DYNC1I1: variants seen among roughly 807,000 people sequenced by gnomAD.
DYNC1I1 encodes the protein dynein cytoplasmic 1 intermediate chain 1, also known as cytoplasmic dynein 1 intermediate chain 1.
DYNC1I1 carries 43 observed loss-of-function variants against 86.6 expected under a neutral mutation model. The ratio of observed to expected loss-of-function variants is 0.50; its 90% CI spans 0.39 to 0.64. The LOEUF (loss-of-function observed/expected upper bound fraction) is 0.64, where lower values mean the gene tolerates loss of function less well. Among genes scored for constraint, DYNC1I1 ranks in the 30% least tolerant of loss-of-function variants. The probability of loss-of-function intolerance (pLI) is 0.00; values close to 1 mark genes in which losing one functional copy is unlikely to be tolerated. For synonymous variants in DYNC1I1, 262 were observed against 283.7 expected (o/e 0.92, Z 0.77); for missense variants, 604 against 788.8 (o/e 0.77, Z 2.81).
intron 4 of DYNC1I1, among the ~76,000 whole-genome samples, chr7:95,825,378 A>G (rs1303725461): frequency 6.6e-6 from 1 of 152,212 alleles, no homozygotes; most frequent in Non-Finnish European, 1.5e-5. Context: ...ATGGAGGTCA[A>G]ATAGTTGATC....
chr7:95,869,737 C>G, intron 5 of DYNC1I1, 146 bp from the exon 6 acceptor site: 4 of 781,192 alleles, frequency 5.1e-6, no homozygotes, highest in Non-Finnish European at 8.3e-6. Flanking sequence ...CAGCCCAGAG[C>G]CAGTTCTGCT....
At chr7:95,849,080 T>C (rs1300150513) in intron 5 of DYNC1I1, among the ~76,000 whole-genome samples, 1 of 152,016 alleles carries the variant, frequency 6.6e-6, no homozygotes, top group African/African-American at 2.4e-5. Context: ...CTGGTTATTG[T>C]TTTCTTGCTA....
At chr7:95,889,905 C>T (rs989526274) in intron 6 of DYNC1I1, among the ~76,000 whole-genome samples, 1 of 152,216 alleles carries the variant, frequency 6.6e-6, no homozygotes, top group Non-Finnish European at 1.5e-5. Context: ...TAGCATCTCA[C>T]ACCAATCAGA....
intron 14 of DYNC1I1, among the ~76,000 whole-genome samples, chr7:96,039,846 G>GT (rs989090331): frequency 9.0e-4 from 136 of 151,494 alleles, no homozygotes; most frequent in Non-Finnish European, 1.1e-3. Context: ...TGGGACTTGG[G>GT]TTTTTTTTTG....
intron 6 of DYNC1I1, among the ~76,000 whole-genome samples, chr7:95,930,399 C>T (rs1048934385): frequency 1.3e-5 from 2 of 152,134 alleles, no homozygotes; most frequent in Middle Eastern, 3.2e-3. Context: ...AGTCATTTGT[C>T]AATAAATGAT....
At chr7:96,025,830 T>A (rs1352974283) in intron 10 of DYNC1I1, among the ~76,000 whole-genome samples, 1 of 124,332 alleles carries the variant, frequency 8.0e-6, no homozygotes, top group East Asian at 2.8e-4. Context: ...CAACAAACAG[T>A]ACAAGCTTGC....
chr7:95,776,495 T>G (rs1223852525), intron 1 of DYNC1I1, among the ~76,000 whole-genome samples: 1 of 152,182 alleles, frequency 6.6e-6, no homozygotes, highest in Non-Finnish European at 1.5e-5. Context: ...TTCATGCATT[T>G]GTGCATAAAT....
At chr7:95,793,493 T>C (rs1481308312) in intron 1 of DYNC1I1, among the ~76,000 whole-genome samples, 3 of 151,800 alleles carry the variant, frequency 2.0e-5, no homozygotes, top group East Asian at 3.9e-4. Flanking sequence ...TTGCGGCCTA[T>C]AGGTCTAGGT....
chr7:95,965,866 A>C (rs904128801), intron 6 of DYNC1I1, among the ~76,000 whole-genome samples: 2 of 152,328 alleles, frequency 1.3e-5, no homozygotes, highest in East Asian at 1.9e-4. Flanking sequence ...AATTGGCCCT[A>C]GGCACTAGGG....
chr7:95,991,796 T>C (rs1041791746), intron 9 of DYNC1I1, among the ~76,000 whole-genome samples: 1 of 152,130 alleles, frequency 6.6e-6, no homozygotes, highest in Admixed American at 6.5e-5. Flanking sequence ...GCTCAAGGTC[T>C]CATTTCTTCT....
intron 6 of DYNC1I1, among the ~76,000 whole-genome samples, chr7:95,964,197 T>C (rs371867902): frequency 6.6e-6 from 1 of 152,152 alleles, no homozygotes; most frequent in Non-Finnish European, 1.5e-5. Flanking sequence ...GGCTGGGAAT[T>C]GGACACTAGA....
chr7:95,933,295 G>A (rs10953166), intron 6 of DYNC1I1, among the ~76,000 whole-genome samples: 11,447 of 152,144 alleles, frequency 0.075, 846 homozygotes, highest in African/African-American at 0.2. Flanking sequence ...AGCAACCACA[G>A]CAAAGAAGAG....
At chr7:96,061,620 C>G (rs934787373) in intron 14 of DYNC1I1, among the ~76,000 whole-genome samples, 3 of 151,948 alleles carry the variant, frequency 2.0e-5, no homozygotes, top group Non-Finnish European at 4.4e-5. Flanking sequence ...GAGCCGTTCA[C>G]CCCCAGAGTG....
intron 6 of DYNC1I1, among the ~76,000 whole-genome samples, chr7:95,951,307 C>T (rs1792546249): frequency 6.6e-6 from 1 of 152,160 alleles, no homozygotes; most frequent in African/African-American, 2.4e-5. Flanking sequence ...AAAACCCTTA[C>T]AGCCTAAAAG....
At position 96,022,869 on chromosome 7, in the gene DYNC1I1, C is replaced by CAAT. The variant is rs578184278; in HGVS notation, c.970-5286_970-5284dup. Among the ~76,000 whole-genome samples, 123 of 150,546 alleles carry CAAT rather than the reference C, an allele frequency of 8.2e-4. 1 individual carries two copies. The highest frequency in any genetic ancestry group is 1.8e-3 in the African/African-American group (73 of 40,996). ...TGGGTGACAGAGCAAGACCTTGTCT[C>CAAT]AATAATAATAATAATAATAATATAA... On this transcript the variant is annotated intron_variant, in intron 10 of 16. Transcript: ENST00000447467.
chr7:95,948,221 C>G (rs535561113), intron 6 of DYNC1I1, among the ~76,000 whole-genome samples: 3 of 152,184 alleles, frequency 2.0e-5, no homozygotes, highest in African/African-American at 7.2e-5. Flanking sequence ...AGCAGGATGG[C>G]CTTAGCTGAC....
chr7:96,105,127 A>C (rs1051521331), intron 16 of DYNC1I1, among the ~76,000 whole-genome samples: 6 of 151,828 alleles, frequency 4.0e-5, no homozygotes, highest in African/African-American at 1.4e-4. Flanking sequence ...TTTTAACAAA[A>C]TTTTTTACTA....
chr7:96,025,524 C>T (rs927944289), intron 10 of DYNC1I1, among the ~76,000 whole-genome samples: 1 of 152,048 alleles, frequency 6.6e-6, no homozygotes, highest in African/African-American at 2.4e-5. Flanking sequence ...AACTCTGGTG[C>T]TGCAAGGTGG....
At chr7:96,025,535 T>C (rs960336576) in intron 10 of DYNC1I1, among the ~76,000 whole-genome samples, 1 of 152,122 alleles carries the variant, frequency 6.6e-6, no homozygotes, top group African/African-American at 2.4e-5. Context: ...TGCAAGGTGG[T>C]GTTACTCTTT....
Sources: allele counts gnomAD v4.1 joint callset (sites outside exome capture counted in the v4.1 genomes callset), GRCh38; gene constraint gnomAD v4.1.1; transcripts MANE v1.5; gene names NCBI Gene and HGNC (gene_info 2026-07-23, HGNC 2026-07-21).